EYA1: variants seen among roughly 807,000 people sequenced by gnomAD.
EYA1 encodes the protein protein phosphatase EYA1.
A neutral mutation model predicts 82.0 loss-of-function variants in EYA1; 16 were observed. The observed-to-expected ratio is 0.20, with a 90% CI of 0.13 to 0.30. The LOEUF (loss-of-function observed/expected upper bound fraction) is 0.30. Ranked by LOEUF, EYA1 falls within the 10% of genes least tolerant of loss-of-function variation. The pLI is 1.00. For missense variants in EYA1, 633 were observed against 730.7 expected, an observed-to-expected ratio of 0.87 and a Z score of 1.54; for synonymous variants, 261 against 264.4, an observed-to-expected ratio of 0.99 and a Z score of 0.12.
Position 71,271,867 on chromosome 8 carries a change from G to A in EYA1, c.857C>T (p.Pro286Leu), listed in dbSNP as rs374615482. 2.5e-6 allele frequency: 4 copies of A among 1,614,000 alleles called. No individual in the cohort carries two copies. In the African/African-American group the frequency reaches 5.3e-5, roughly 22 times the overall value. The change falls in exon 10 of 18, where the codon CCC (proline) becomes CTC (leucine). Residue 286 changes from proline (P) to leucine (L), a missense_variant. Pro to Leu is a moderately conservative substitution (Grantham distance 98). Coordinates refer to ENST00000340726, the MANE Select transcript of EYA1 (RefSeq NM_000503.6). ...TCGATCAGAATCTGAATCTTTAATGGGTGTTGATGGGCTGTGGATTGTGCT... is the reference window on the plus strand; with the variant it reads ...TCGATCAGAATCTGAATCTTTAATGAGTGTTGATGGGCTGTGGATTGTGCT... ...EYSTIHSPST[P>L]IKDSDSDRLR...
At chr8:71,406,020 C>A (rs1830199286) in intron 2 of EYA1, among the ~76,000 whole-genome samples, 1 of 152,138 alleles carries the variant, frequency 6.6e-6, no homozygotes, top group Non-Finnish European at 1.5e-5. Flanking sequence ...GCAAACTTTA[C>A]AGGAGAAACA....
chr8:71,410,784 C>T (rs1408013320), intron 2 of EYA1, among the ~76,000 whole-genome samples: 4 of 149,138 alleles, frequency 2.7e-5, no homozygotes, highest in African/African-American at 7.4e-5. Context: ...GAATCAATAT[C>T]GTGAAAATGG....
chr8:71,418,076 G>A (rs931624156), intron 2 of EYA1, among the ~76,000 whole-genome samples: 1 of 152,028 alleles, frequency 6.6e-6, no homozygotes, highest in Non-Finnish European at 1.5e-5. Context: ...GTGGATTCTG[G>A]GTCACCTGGG....
chr8:71,239,755 G>T (rs893922067), intron 12 of EYA1, among the ~76,000 whole-genome samples: 3 of 152,192 alleles, frequency 2.0e-5, no homozygotes, highest in African/African-American at 4.8e-5. Context: ...TCCTTTGGCA[G>T]CAGAGAACCA....
chr8:71,278,361 C>T (rs183737036), intron 9 of EYA1, among the ~76,000 whole-genome samples: 43 of 152,284 alleles, frequency 2.8e-4, no homozygotes, highest in East Asian at 5.8e-4. Flanking sequence ...TTCCTTAATA[C>T]GCTGTTTTCT....
At chr8:71,453,469 C>T (rs1217961157) in intron 2 of EYA1, among the ~76,000 whole-genome samples, 1 of 152,096 alleles carries the variant, frequency 6.6e-6, no homozygotes, top group Non-Finnish European at 1.5e-5. Flanking sequence ...ACATAATTGT[C>T]AGATTCATCA....
chr8:71,215,692 T>G lies in EYA1; in HGVS notation c.1397A>C (p.Gln466Pro). ...LGPAKREAWLQLRAEIEALTD... is the reference protein window; with the variant it reads ...LGPAKREAWLPLRAEIEALTD... The stretch of plus-strand genomic sequence containing the variant: ...CAGGGCTTCAATTTCGGCCCTCAAC[T>G]GCAGCCAGGCTTCCCTCTTAGCTGG... The change falls in exon 15 of 18, where the codon CAG (glutamine) becomes CCG (proline). Residue 466 changes from glutamine to proline, a missense_variant. Transcript: ENST00000340726. The G allele has an allele frequency of 6.2e-7, 1 of 1,614,152 alleles. No homozygotes were observed. Among genetic ancestry groups the G allele is most frequent in the South Asian group, 1.1e-5 (1 of 91,086 alleles).
Position 71,225,766 on chromosome 8 carries a change from C to T in EYA1, c.1141-8743G>A, listed in dbSNP as rs1314316487. ...AAAGAGGAATTTCAGCATCTATTTT[C>T]GAGAGGTGGCAATAAGATGCAACTT... is the stretch of plus-strand genomic sequence containing the variant. On this transcript the variant is annotated intron_variant, in intron 12 of 17. Transcript: ENST00000340726. 2.6e-5 allele frequency among the ~76,000 whole-genome samples: 4 copies of T among 152,248 alleles called. No homozygotes were observed. In the East Asian group the frequency reaches 5.8e-4, roughly 22 times the overall value.
chr8:71,417,322 AGTAG>A lies in EYA1; in HGVS notation c.34-60815_34-60812del, dbSNP rs1477812572. 1.4e-4 allele frequency among the ~76,000 whole-genome samples: 22 copies of A among 152,342 alleles called. 1 individual carries two copies. In the East Asian group the frequency reaches 4.2e-3, roughly 29 times the overall value. ...TATCGTTAGCCCAGTAGTCCACAAC[AGTAG>A]GGGGCAATTTTGCCCCTCATGGGAC... On this transcript the variant is annotated intron_variant, in intron 2 of 18. Transcript: ENST00000643681.
intron 3 of EYA1, among the ~76,000 whole-genome samples, chr8:71,339,013 TCTTCTA>T (rs1824818818): frequency 6.6e-6 from 1 of 152,318 alleles, no homozygotes; most frequent in East Asian, 1.9e-4. Flanking sequence ...GTCCTTCATC[TCTTCTA>T]CTTCAACAAG....
chr8:71,396,390 T>G (rs890826629), intron 2 of EYA1, among the ~76,000 whole-genome samples: 2 of 152,232 alleles, frequency 1.3e-5, no homozygotes, highest in Non-Finnish European at 2.9e-5. Context: ...TTTTAGGTTG[T>G]CAATTTTAGA....
chr8:71,341,845 C>A (rs1825166070), intron 3 of EYA1, among the ~76,000 whole-genome samples: 1 of 152,030 alleles, frequency 6.6e-6, no homozygotes, highest in Admixed American at 6.6e-5. Flanking sequence ...GTATACATGG[C>A]CAAAAAGAAA....
intron 3 of EYA1, among the ~76,000 whole-genome samples, chr8:71,344,072 C>T (rs1436655532): frequency 3.3e-5 from 5 of 152,208 alleles, no homozygotes; most frequent in African/African-American, 1.2e-4. Context: ...ATATAATACA[C>T]TTCCCCTAAA....
intron 2 of EYA1, among the ~76,000 whole-genome samples, chr8:71,468,429 G>A (rs1563643881): frequency 1.3e-5 from 2 of 152,088 alleles, no homozygotes; most frequent in Non-Finnish European, 2.9e-5. Flanking sequence ...TCCAACGGAA[G>A]TGTTATAATA....
chr8:71,305,879 C>T (rs1820681746), intron 7 of EYA1, among the ~76,000 whole-genome samples: 1 of 152,152 alleles, frequency 6.6e-6, no homozygotes, highest in Non-Finnish European at 1.5e-5. Flanking sequence ...TAATCACACG[C>T]ATACGCACAC....
At chr8:71,360,861 T>C (rs1416873277) in intron 1 of EYA1, among the ~76,000 whole-genome samples, 1 of 152,238 alleles carries the variant, frequency 6.6e-6, no homozygotes, top group Non-Finnish European at 1.5e-5. Context: ...ATTGAATTCT[T>C]GCAAATGCTA....
chr8:71,463,011 T>C (rs1161107298), intron 2 of EYA1, among the ~76,000 whole-genome samples: 1 of 152,252 alleles, frequency 6.6e-6, no homozygotes, highest in Non-Finnish European at 1.5e-5. Flanking sequence ...TTTAGTAATA[T>C]ATTTTATTGA....
In EYA1 at chr8:71,361,683, T is replaced by G; in HGVS notation, c.-91A>C. On this transcript the variant is annotated 5_prime_UTR_variant, in exon 1 of 18. Transcript: ENST00000340726. The stretch of plus-strand genomic sequence containing the variant: ...CTGCTGCATCCACCAGTTTAATGTG[T>G]TCCTTCGAATTTTCTGGGTTAGCAA... 2 of 985,528 alleles carry G rather than the reference T, an allele frequency of 2.0e-6. No homozygotes were observed. Among genetic ancestry groups the G allele is most frequent in the Non-Finnish European group, 2.4e-6 (2 of 829,970 alleles). The allele number at this position is 985,528 out of a possible 1,614,324, so 61.0% of individuals were successfully genotyped here. A position where few individuals can be genotyped will look rare whatever the true frequency, so the allele number is the denominator to read the frequency against.
intron 9 of EYA1, among the ~76,000 whole-genome samples, chr8:71,274,982 A>G (rs1463283202): frequency 6.6e-6 from 1 of 152,198 alleles, no homozygotes; most frequent in East Asian, 2.0e-4. Flanking sequence ...GCGAGAGCGC[A>G]TGTCACATTT....
Sources: allele counts gnomAD v4.1 joint callset (sites outside exome capture counted in the v4.1 genomes callset), GRCh38; gene constraint gnomAD v4.1.1; transcripts MANE v1.5; gene names NCBI Gene and HGNC (gene_info 2026-07-23, HGNC 2026-07-21).